The following PDE1C variants were observed in gnomAD, a reference collection of about 807,000 sequenced individuals.
The protein encoded by PDE1C is phosphodiesterase 1C, also known as dual specificity calcium/calmodulin-dependent 3',5'-cyclic nucleotide phosphodiesterase 1C.
A neutral mutation model predicts 93.1 loss-of-function variants in PDE1C; 62 were observed. That is an observed-to-expected ratio of 0.67 (90% CI 0.54 to 0.82). PDE1C has a LOEUF of 0.82. Ranked by LOEUF, PDE1C falls within the 40% of genes least tolerant of loss-of-function variation. The pLI, the probability that PDE1C is intolerant of heterozygous loss-of-function variation, is 0.00. For missense variants in PDE1C, 742 were observed against 884.6 expected, an observed-to-expected ratio of 0.84 and a Z score of 2.04; for synonymous variants, 325 against 310.1, an observed-to-expected ratio of 1.05 and a Z score of -0.50.
chr7:32,015,222 G>T (rs552067363), intron 2 of PDE1C, among the ~76,000 whole-genome samples: 51 of 151,388 alleles, frequency 3.4e-4, no homozygotes, highest in African/African-American at 9.2e-4. Flanking sequence ...CCAGTCTCAG[G>T]AAGTTCTTTA....
chr7:32,251,180 T>C (rs1162847484), intron 1 of PDE1C, among the ~76,000 whole-genome samples: 1 of 152,190 alleles, frequency 6.6e-6, no homozygotes, highest in South Asian at 2.1e-4. Flanking sequence ...CCCCAGCCTC[T>C]ACCAGCTGGA....
At chr7:31,939,956 A>G (rs1486883224) in intron 2 of PDE1C, among the ~76,000 whole-genome samples, 1 of 152,100 alleles carries the variant, frequency 6.6e-6, no homozygotes, top group East Asian at 1.9e-4. Context: ...TCACAGAGAG[A>G]TGTGCAGTGC....
chr7:31,652,484 C>T, the PDE1C span: 1 of 1,548,292 alleles, frequency 6.5e-7, no homozygotes, highest in Middle Eastern at 2.0e-4. Context: ...ATGTGATGTG[C>T]TGTTTACTCT....
At chr7:31,877,053 T>C (rs1796688078) in intron 5 of PDE1C, among the ~76,000 whole-genome samples, 2 of 152,166 alleles carry the variant, frequency 1.3e-5, no homozygotes, top group Admixed American at 6.6e-5. Context: ...ATATCACCTT[T>C]TTCAGGTTTT....
chr7:32,174,477 C>T (rs560118463), intron 2 of PDE1C, among the ~76,000 whole-genome samples: 30 of 151,836 alleles, frequency 2.0e-4, no homozygotes, highest in African/African-American at 6.5e-4. Context: ...AACATGACAT[C>T]GGATATGGTC....
intron 6 of PDE1C, among the ~76,000 whole-genome samples, chr7:31,871,619 T>C (rs1487702404): frequency 6.6e-6 from 1 of 151,346 alleles, no homozygotes; most frequent in Non-Finnish European, 1.5e-5. Flanking sequence ...TCATTATCAC[T>C]AATCATCAGG....
intron 1 of PDE1C, among the ~76,000 whole-genome samples, chr7:32,267,365 G>C (rs549560707): frequency 7.9e-5 from 12 of 151,338 alleles, no homozygotes; most frequent in East Asian, 1.9e-4. Context: ...CGCACAGGTG[G>C]CACAAACACC....
intron 16 of PDE1C, among the ~76,000 whole-genome samples, chr7:31,795,239 G>T (rs1355304522): frequency 6.6e-6 from 1 of 151,778 alleles, no homozygotes; most frequent in Admixed American, 6.6e-5. Flanking sequence ...TTACTTCAAA[G>T]GTTCCCTTTA....
intron 3 of PDE1C, among the ~76,000 whole-genome samples, chr7:32,110,314 C>T (rs1798568475): frequency 6.6e-6 from 1 of 152,134 alleles, no homozygotes; most frequent in Non-Finnish European, 1.5e-5. Context: ...GGACATTAGG[C>T]CTTGGCTGGT....
intron 16 of PDE1C, among the ~76,000 whole-genome samples, chr7:31,782,309 A>C (rs1443110221): frequency 1.3e-5 from 2 of 152,254 alleles, no homozygotes; most frequent in Non-Finnish European, 2.9e-5. Context: ...CTGTGTAAAA[A>C]TGCATAGCGA....
At chr7:32,202,220 G>A (rs1805060321) in intron 2 of PDE1C, among the ~76,000 whole-genome samples, 1 of 152,146 alleles carries the variant, frequency 6.6e-6, no homozygotes, top group South Asian at 2.1e-4. Context: ...GTGGACCACT[G>A]GCTAACATAT....
chr7:32,419,810 G>A (rs6651072), intron 1 of PDE1C, among the ~76,000 whole-genome samples: 2,291 of 151,800 alleles, frequency 0.015, 42 homozygotes, highest in African/African-American at 0.05. Flanking sequence ...CCACCAGTGC[G>A]GAGATGTAAG....
chr7:31,871,299 T>TC (rs1795924172), intron 6 of PDE1C, among the ~76,000 whole-genome samples: 1 of 151,990 alleles, frequency 6.6e-6, no homozygotes, highest in African/African-American at 2.4e-5. Context: ...CTTCAGGAAA[T>TC]TGGTCTAGGC....
intron 2 of PDE1C, among the ~76,000 whole-genome samples, chr7:32,183,527 C>T (rs1803596767): frequency 6.6e-6 from 1 of 152,074 alleles, no homozygotes; most frequent in Non-Finnish European, 1.5e-5. Context: ...CTTTGACAAA[C>T]CTGACAAAAA....
intron 2 of PDE1C, among the ~76,000 whole-genome samples, chr7:31,968,256 C>G (rs1439171342): frequency 6.6e-6 from 1 of 152,200 alleles, no homozygotes. Flanking sequence ...GCAACTTCAG[C>G]TAAGTCTCAG....
At chr7:31,875,921 C>T (rs1055750285) in intron 5 of PDE1C, among the ~76,000 whole-genome samples, 9 of 147,370 alleles carry the variant, frequency 6.1e-5, no homozygotes, top group South Asian at 2.2e-4. Flanking sequence ...CATTTTATGT[C>T]ATGTTCTTAC....
At chr7:32,121,418 C>T (rs1364336388) in intron 3 of PDE1C, among the ~76,000 whole-genome samples, 1 of 151,686 alleles carries the variant, frequency 6.6e-6, no homozygotes, top group Non-Finnish European at 1.5e-5. Flanking sequence ...AACCCCAAGA[C>T]ACATAATCGT....
chr7:32,027,719 T>C (rs1789672304), intron 2 of PDE1C, among the ~76,000 whole-genome samples: 1 of 147,452 alleles, frequency 6.8e-6, no homozygotes, highest in African/African-American at 2.5e-5. Flanking sequence ...CTGACTGTTA[T>C]GAGCTGCGTT....
intron 1 of PDE1C, among the ~76,000 whole-genome samples, chr7:32,367,935 C>T (rs1316133013): frequency 6.6e-6 from 1 of 151,514 alleles, no homozygotes; most frequent in African/African-American, 2.4e-5. Context: ...AGAACAAGAC[C>T]CTATCTCTAG....
Sources: allele counts gnomAD v4.1 joint callset (sites outside exome capture counted in the v4.1 genomes callset), GRCh38; gene constraint gnomAD v4.1.1; transcripts MANE v1.5; gene names NCBI Gene and HGNC (gene_info 2026-07-23, HGNC 2026-07-21).